COG5: variants seen among roughly 807,000 people sequenced by gnomAD.
COG5 encodes the protein component of oligomeric golgi complex 5.
In COG5, 86 loss-of-function variants were observed where a neutral mutation model predicts 110.4. That is an observed-to-expected ratio of 0.78 (90% confidence interval 0.65 to 0.93). COG5 has a LOEUF of 0.93. COG5 is among the 40% of genes least tolerant of loss of function. COG5 has a pLI of 0.00. For synonymous variants in COG5, 360 were observed against 334.6 expected, an observed-to-expected ratio of 1.08 and a Z score of -0.83; for missense variants, 1,077 against 987.0, an observed-to-expected ratio of 1.09 and a Z score of -1.22.
At chr7:107,311,197 C>T (rs1389598716) in intron 11 of COG5, among the ~76,000 whole-genome samples, 1 of 152,072 alleles carries the variant, frequency 6.6e-6, no homozygotes, top group Non-Finnish European at 1.5e-5. Flanking sequence ...AAATGCCCCT[C>T]CATAAGGTTT....
Position 107,558,620 on chromosome 7 carries a change from C to T in COG5, c.95-505G>A, listed in dbSNP as rs188725350. Among the ~76,000 whole-genome samples, 680 of 150,274 alleles carry T rather than the reference C, an allele frequency of 4.5e-3. 6 individuals carry two copies. Among genetic ancestry groups the T allele is most frequent in the African/African-American group, 0.016 (658 of 40,798 alleles). ...CTTTATCTCTGGCCGGGCGCGGTGG[C>T]TCACACCTGTAATCCCAGCACTTTG... On this transcript the variant is annotated intron_variant, in intron 1 of 21. Transcript: ENST00000297135.
intron 6 of COG5, among the ~76,000 whole-genome samples, chr7:107,417,013 T>C (rs1333309465): frequency 6.6e-6 from 1 of 152,150 alleles, no homozygotes; most frequent in Non-Finnish European, 1.5e-5. Flanking sequence ...CTCAGAAATT[T>C]ATGAATCTCC....
chr7:107,460,733 AAAG>A (rs1563048369), intron 6 of COG5, among the ~76,000 whole-genome samples: 2 of 152,158 alleles, frequency 1.3e-5, no homozygotes, highest in Admixed American at 6.5e-5. Flanking sequence ...AAAAAGAAAA[AAAG>A]ATGATAGAAA....
intron 1 of COG5, among the ~76,000 whole-genome samples, chr7:107,562,764 CAAT>C (rs1166924441): frequency 6.6e-6 from 1 of 152,102 alleles, no homozygotes. Context: ...TTCAGGATGA[CAAT>C]AAAATATTTA....
At chr7:107,479,187 G>A (rs951100627) in intron 6 of COG5, among the ~76,000 whole-genome samples, 2 of 152,038 alleles carry the variant, frequency 1.3e-5, no homozygotes, top group Non-Finnish European at 2.9e-5. Context: ...TTTAAGAACA[G>A]TAAAAAGAAA....
rs533326777 is a variant in COG5 at position 107,488,995 on chromosome 7, T to G, written c.538+38242A>C. 8.9e-4 allele frequency among the ~76,000 whole-genome samples: 136 copies of G among 152,260 alleles called. No homozygotes were observed. In the Middle Eastern group the frequency reaches 0.01, roughly 11 times the overall value. ...TTTTAGAGACCTGAGCAACCAAACA[T>G]TGTGATTTTTCCAACCTTTGGAATG... On this transcript the variant is annotated intron_variant, in intron 6 of 21. Coordinates refer to ENST00000297135, the MANE Select transcript of COG5 (RefSeq NM_006348.5).
Position 107,548,327 on chromosome 7 carries a change from G to C in COG5, c.298C>G (p.Leu100Val). ...CCAATTCTCGTCTGCATCATCTGAA[G>C]AACACCTAGGAAAACATAAGTTTAC... ...ATGIESLEGVLQMMQTRIGAL... is the reference protein window; with the variant it reads ...ATGIESLEGVVQMMQTRIGAL... The change falls in exon 4 of 22, where the codon CTT becomes GTT. Residue 100 changes from leucine (L) to valine (V), a missense_variant. Physicochemically the swap from Leu to Val is conservative, Grantham distance 32 (BLOSUM62 1). Transcript: ENST00000297135. 1 of 1,613,654 alleles carries C rather than the reference G, an allele frequency of 6.2e-7. No individual in the cohort carries two copies. Among genetic ancestry groups the C allele is most frequent in the South Asian group, 1.1e-5 (1 of 91,058 alleles).
chr7:107,399,188 C>T lies in COG5; in HGVS notation c.669+13314G>A, dbSNP rs150342219. ...CTGCATTCCAACCTGGGTGACAGAG[C>T]GAGACTCTGTCTGAAAAAAAAAGTT... On this transcript the variant is annotated intron_variant, in intron 7 of 21. Coordinates refer to ENST00000297135, the MANE Select transcript of COG5 (RefSeq NM_006348.5). Among the ~76,000 whole-genome samples, 531 of 151,548 alleles carry T rather than the reference C, an allele frequency of 3.5e-3. 6 individuals are homozygous for T. Among genetic ancestry groups the T allele is most frequent in the African/African-American group, 0.012 (496 of 41,244 alleles).
chr7:107,210,739 A>T, intron 20 of COG5, 134 bp from the exon 21 acceptor site: 1 of 996,652 alleles, frequency 1.0e-6, no homozygotes, highest in Non-Finnish European at 1.5e-6. Context: ...GGAAGTGTGA[A>T]GGGGGCATAG....
chr7:107,493,926 A>T (rs1032995841), intron 6 of COG5, among the ~76,000 whole-genome samples: 8 of 152,190 alleles, frequency 5.3e-5, no homozygotes, highest in African/African-American at 1.9e-4. Flanking sequence ...ATTGTTAAAT[A>T]GCTAGAAAAA....
intron 17 of COG5, among the ~76,000 whole-genome samples, chr7:107,242,466 C>T (rs1444376711): frequency 1.3e-5 from 2 of 152,202 alleles, no homozygotes; most frequent in African/African-American, 2.4e-5. Context: ...CTTCACCGGG[C>T]AGGCCTGGGC....
In COG5 at chr7:107,201,677, C is replaced by T; in HGVS notation, c.*1839G>A. On this transcript the variant is annotated 3_prime_UTR_variant, in exon 22 of 22. Transcript: ENST00000297135. ...TTTTTCTTCCAAACTTCATATATGT[C>T]TATCAGGTAATAATAGGCTTGAAAA... 1 of 387,304 alleles carries T rather than the reference C, an allele frequency of 2.6e-6. No homozygotes were observed. Among genetic ancestry groups the T allele is most frequent in the Non-Finnish European group, 4.6e-6 (1 of 215,710 alleles). 24.0% of individuals were successfully genotyped at this position (387,304 alleles called of 1,614,324 possible).
At chr7:107,441,643 C>CA (rs1166667223) in intron 6 of COG5, among the ~76,000 whole-genome samples, 2 of 152,184 alleles carry the variant, frequency 1.3e-5, no homozygotes, top group African/African-American at 4.8e-5. Flanking sequence ...AAACTCAGTT[C>CA]AAGTGCCAGC....
Position 107,474,414 on chromosome 7 carries a change from T to G in COG5, c.538+52823A>C. 6.2e-7 allele frequency: 1 copy of G among 1,613,232 alleles called. No individual in the cohort carries two copies. On this transcript the variant is annotated intron_variant, in intron 6 of 21. Transcript: ENST00000297135. This position sits in a 1 kb window ranked among gnomAD's most constrained non-coding sequence, Gnocchi z 5.7. ...ACACTGCTCTCATTTGCTGTTTCCA[T>G]GAGGCTTGTGTATCTTTTGCAAGTG...
At chr7:107,271,037 GTCT>G (rs1804229182) in intron 14 of COG5, among the ~76,000 whole-genome samples, 3 of 151,760 alleles carry the variant, frequency 2.0e-5, no homozygotes, top group East Asian at 3.9e-4. Flanking sequence ...AACTTTATAA[GTCT>G]TCTTATGTAG....
intron 7 of COG5, among the ~76,000 whole-genome samples, chr7:107,391,845 A>G (rs757466922): frequency 1.3e-5 from 2 of 152,160 alleles, no homozygotes; most frequent in Non-Finnish European, 2.9e-5. Context: ...TAATCGTAGC[A>G]CTTTGGGAGG....
Position 107,372,650 on chromosome 7 carries a change from G to T in COG5, c.780C>A (p.Ile260=), listed in dbSNP as rs764388205. Residue 260 remains isoleucine, a synonymous_variant, in exon 8 of 22, where the codon ATC becomes ATA. Coordinates refer to ENST00000297135, the MANE Select transcript of COG5 (RefSeq NM_006348.5). ...DGYCATLEEN[I]NSALDIKVLT... ...AAACTTTTATGTCTAATGCACTGTT[G>T]ATATTTTCTTCTAAAGTAGCACAAT... 2.5e-6 allele frequency: 4 copies of T among 1,613,438 alleles called. No individual in the cohort carries two copies. The highest frequency in any genetic ancestry group is 3.3e-5 in the Admixed American group (2 of 59,964).
At chr7:107,236,301 C>G in intron 18 of COG5, 149 bp downstream of exon 18, 2 of 571,764 alleles carry the variant, frequency 3.5e-6, no homozygotes, top group South Asian at 4.2e-5. Flanking sequence ...TAAACTCTCC[C>G]TTTTTTTTTT....
chr7:107,269,254 T>A (rs1362540893), intron 14 of COG5, among the ~76,000 whole-genome samples: 1 of 152,106 alleles, frequency 6.6e-6, no homozygotes, highest in Non-Finnish European at 1.5e-5. Flanking sequence ...GGCGGGGGGA[T>A]CACGAGGTCA....
Sources: gnomAD v4.1 joint callset for allele counts (sites outside exome capture counted in the v4.1 genomes callset) on GRCh38, gnomAD v4.1.1 for gene constraint, Gnocchi (gnomAD v3.1) non-coding constraint, MANE v1.5 for transcripts, NCBI Gene and HGNC (gene_info 2026-07-23, HGNC 2026-07-21) for gene names.